The following IMPG1 variants were observed in gnomAD, a reference collection of about 807,000 sequenced individuals.
IMPG1 encodes interphotoreceptor matrix proteoglycan 1.
Under a neutral mutation model 92.0 loss-of-function variants are expected in IMPG1, and 85 were observed. The ratio of observed to expected loss-of-function variants is 0.92; its 90% confidence interval spans 0.78 to 1.11. The LOEUF (loss-of-function observed/expected upper bound fraction) is 1.11. Ranked by LOEUF, IMPG1 falls within the 50% of genes least tolerant of loss-of-function variation. The probability of loss-of-function intolerance (pLI) is 0.00; values close to 1 mark genes in which losing one functional copy is unlikely to be tolerated. For missense variants in IMPG1, 1,022 were observed against 956.0 expected (o/e 1.07, Z -0.91); for synonymous variants, 367 against 334.1 (o/e 1.10, Z -1.08).
At chr6:75,982,065 T>TA (rs1582083975) in intron 12 of IMPG1, among the ~76,000 whole-genome samples, 1 of 152,170 alleles carries the variant, frequency 6.6e-6, no homozygotes, top group Non-Finnish European at 1.5e-5. Flanking sequence ...TTTTCAGGAT[T>TA]AAGGAAAACA....
At chr6:75,935,110 C>A in intron 14 of IMPG1, 1 of 449,642 alleles carries the variant, frequency 2.2e-6, no homozygotes, top group South Asian at 1.6e-5. Context: ...CGCTCAATAG[C>A]AAAAGAAGCA....
chr6:76,025,690 A>C (rs915486693), intron 4 of IMPG1, among the ~76,000 whole-genome samples: 4 of 152,200 alleles, frequency 2.6e-5, no homozygotes, highest in Non-Finnish European at 5.9e-5. Flanking sequence ...CTTATCTAAT[A>C]AAGTAACTCT....
chr6:75,992,302 C>T (rs1443210052), intron 12 of IMPG1, among the ~76,000 whole-genome samples: 1 of 152,152 alleles, frequency 6.6e-6, no homozygotes, highest in Non-Finnish European at 1.5e-5. Flanking sequence ...ATCTCTCTCT[C>T]CCTCTCTCTC....
chr6:75,924,290 T>A (rs2149447184), intron 15 of IMPG1, among the ~76,000 whole-genome samples: 1 of 147,188 alleles, frequency 6.8e-6, no homozygotes, highest in South Asian at 2.1e-4. Flanking sequence ...ATATCTGCAC[T>A]CCCATGTATA....
chr6:75,947,869 AAC>A (rs1245820295), intron 13 of IMPG1, among the ~76,000 whole-genome samples: 5 of 152,036 alleles, frequency 3.3e-5, no homozygotes, highest in African/African-American at 4.8e-5. Context: ...AAAAAAAAAA[AAC>A]CCAAGTAAAT....
chr6:76,068,692 T>G (rs1784353035), intron 1 of IMPG1, among the ~76,000 whole-genome samples: 2 of 151,772 alleles, frequency 1.3e-5, no homozygotes, highest in South Asian at 4.2e-4. Context: ...AATTTTTATA[T>G]TTTTAGTATA....
chr6:76,003,067 A>G, intron 11 of IMPG1, 71 bp from the exon 12 acceptor site: 1 of 1,075,920 alleles, frequency 9.3e-7, no homozygotes, highest in Admixed American at 1.8e-5. Context: ...GGCTATACCC[A>G]TATTTCAAAA....
intron 1 of IMPG1, among the ~76,000 whole-genome samples, chr6:76,044,524 G>A (rs1783901932): frequency 6.6e-6 from 1 of 152,076 alleles, no homozygotes; most frequent in South Asian, 2.1e-4. Context: ...TTCCTTTGGG[G>A]CTGGTCCTGT....
At chr6:76,053,344 C>T (rs912089578) in intron 1 of IMPG1, among the ~76,000 whole-genome samples, 2 of 152,068 alleles carry the variant, frequency 1.3e-5, no homozygotes, top group African/African-American at 4.8e-5. Flanking sequence ...CAGAAAGTGC[C>T]AGGTAATGCA....
chr6:75,972,607 C>T (rs777550945), intron 12 of IMPG1, among the ~76,000 whole-genome samples: 5 of 152,162 alleles, frequency 3.3e-5, no homozygotes, highest in Admixed American at 3.3e-4. Context: ...TGAGACATGC[C>T]TAATTAATGA....
chr6:76,037,334 T>C (rs1423878678), intron 2 of IMPG1, among the ~76,000 whole-genome samples: 2 of 152,128 alleles, frequency 1.3e-5, no homozygotes, highest in African/African-American at 4.8e-5. Flanking sequence ...TTTTAATGAG[T>C]AACCCACAAA....
intron 15 of IMPG1, among the ~76,000 whole-genome samples, chr6:75,924,682 T>TA (rs1554226537): frequency 4.0e-4 from 1 of 2,528 alleles, no homozygotes; most frequent in Non-Finnish European, 8.3e-4. Flanking sequence ...ATATATTATA[T>TA]ATTATATATA....
intron 4 of IMPG1, among the ~76,000 whole-genome samples, chr6:76,030,864 G>T (rs563908932): frequency 4.6e-5 from 7 of 152,228 alleles, no homozygotes; most frequent in Non-Finnish European, 7.4e-5. Flanking sequence ...TGGGGAGGGG[G>T]TCCCTGGAAA....
chr6:75,934,816 C>T (rs1276991293), intron 14 of IMPG1: 1 of 380,666 alleles, frequency 2.6e-6, no homozygotes, highest in East Asian at 7.7e-5. Context: ...CGCCCCTCAA[C>T]CTTGTCCTGC....
At chr6:75,934,130 GAC>G (rs1182800383) in intron 14 of IMPG1, among the ~76,000 whole-genome samples, 1 of 152,202 alleles carries the variant, frequency 6.6e-6, no homozygotes, top group Non-Finnish European at 1.5e-5. Flanking sequence ...CTCACTGGCA[GAC>G]ATATCAGACT....
chr6:76,011,628 A>G lies in IMPG1; in HGVS notation c.808-404T>C, dbSNP rs949471904. ...ACTTTAAGTTTTAGGGTACATGTGCACATTGTGCAGGTTAGTTACATATGT... is the reference window on the plus strand; with the variant it reads ...ACTTTAAGTTTTAGGGTACATGTGCGCATTGTGCAGGTTAGTTACATATGT... On this transcript the variant is annotated intron_variant, in intron 7 of 16. Coordinates refer to ENST00000369950, the MANE Select transcript of IMPG1 (RefSeq NM_001563.4). Among the ~76,000 whole-genome samples, 9 of 151,708 alleles carry G rather than the reference A, an allele frequency of 5.9e-5. No homozygotes were observed. The South Asian group carries it at 1.0e-3, about 18-fold the overall frequency.
intron 1 of IMPG1, among the ~76,000 whole-genome samples, chr6:76,064,185 G>C (rs1268493867): frequency 6.6e-6 from 1 of 152,072 alleles, no homozygotes; most frequent in Non-Finnish European, 1.5e-5. Flanking sequence ...CCATTCTAGG[G>C]CTATTGGGAA....
At chr6:76,008,121 A>T (rs1783127619) in intron 8 of IMPG1, among the ~76,000 whole-genome samples, 1 of 152,170 alleles carries the variant, frequency 6.6e-6, no homozygotes, top group Non-Finnish European at 1.5e-5. Flanking sequence ...ATGCATTCTC[A>T]TTTAATCTTT....
intron 2 of IMPG1, among the ~76,000 whole-genome samples, chr6:76,038,409 T>C (rs751524882): frequency 7.2e-5 from 11 of 152,180 alleles, no homozygotes; most frequent in Non-Finnish European, 1.3e-4. Flanking sequence ...AGGGGCAGGC[T>C]TTCTTTTTTT....
Sources: gnomAD v4.1 joint callset for allele counts (sites outside exome capture counted in the v4.1 genomes callset) on GRCh38, gnomAD v4.1.1 for gene constraint, MANE v1.5 for transcripts, NCBI Gene and HGNC (gene_info 2026-07-23, HGNC 2026-07-21) for gene names.